The following EHD4 variants were observed in gnomAD, a reference collection of about 807,000 sequenced individuals.
EHD4 encodes EH domain-containing protein 4.
Under a neutral mutation model 51.0 loss-of-function variants are expected in EHD4, and 37 were observed. That is an observed-to-expected ratio of 0.73 (90% CI 0.56 to 0.95). The LOEUF (loss-of-function observed/expected upper bound fraction) is 0.95, where lower values mean the gene tolerates loss of function less well. Among genes scored for constraint, EHD4 ranks in the 40% least tolerant of loss-of-function variants. EHD4 has a pLI of 0.00. For synonymous variants in EHD4, 297 were observed against 317.3 expected (o/e 0.94, Z 0.68); for missense variants, 632 against 733.1 (o/e 0.86, Z 1.59).
chr15:41,967,697 T>G (rs1170051966), intron 1 of EHD4, among the ~76,000 whole-genome samples: 1 of 152,238 alleles, frequency 6.6e-6, no homozygotes, highest in Non-Finnish European at 1.5e-5. Context: ...TCCCTTTTCC[T>G]TAATTACTGA....
intron 2 of EHD4, among the ~76,000 whole-genome samples, chr15:41,949,021 T>G (rs1453414159): frequency 3.0e-5 from 1 of 33,194 alleles, no homozygotes; most frequent in Non-Finnish European, 7.0e-5. Flanking sequence ...TGAGACTATA[T>G]ATATATATAT....
chr15:41,965,785 C>A (rs1331205271), intron 1 of EHD4, among the ~76,000 whole-genome samples: 1 of 152,158 alleles, frequency 6.6e-6, no homozygotes, highest in East Asian at 1.9e-4. Flanking sequence ...AAGATAATGT[C>A]AGGATGGAAA....
chr15:41,900,551 G>C lies in EHD4; in HGVS notation c.*94C>G, dbSNP rs574286230. On this transcript the variant is annotated 3_prime_UTR_variant, in exon 6 of 6. Coordinates refer to ENST00000220325, the MANE Select transcript of EHD4 (RefSeq NM_139265.4). This position sits in a 1 kb window ranked among gnomAD's most constrained non-coding sequence, Gnocchi z 4.8. ...ATGGGGAAACCAAGGCACAGAGAGGGCAGTGCCTTGCCCAAGGTCATTCGG... is the reference window on the plus strand; with the variant it reads ...ATGGGGAAACCAAGGCACAGAGAGGCCAGTGCCTTGCCCAAGGTCATTCGG... The C allele has an allele frequency of 2.0e-4, 261 of 1,283,024 alleles. No individual in the cohort carries two copies. The highest frequency in any genetic ancestry group is 2.3e-4 in the Non-Finnish European group (221 of 949,974). The allele number at this position is 1,283,024 out of a possible 1,614,324, so 79.5% of individuals were successfully genotyped here.
intron 3 of EHD4, among the ~76,000 whole-genome samples, chr15:41,923,122 A>T (rs77189784): frequency 6.6e-6 from 1 of 151,988 alleles, no homozygotes; most frequent in African/African-American, 2.4e-5. Flanking sequence ...CCACCATCCA[A>T]CTGAAACTCT....
At chr15:41,910,260 G>C (rs759514317) in intron 4 of EHD4, among the ~76,000 whole-genome samples, 1 of 152,166 alleles carries the variant, frequency 6.6e-6, no homozygotes, top group African/African-American at 2.4e-5. Flanking sequence ...TGATCAACAT[G>C]GAAATCTGTA....
intron 4 of EHD4, among the ~76,000 whole-genome samples, chr15:41,915,005 A>G (rs1254172592): frequency 6.6e-6 from 1 of 151,838 alleles, no homozygotes; most frequent in Non-Finnish European, 1.5e-5. Context: ...TTTTGTATCC[A>G]GCACTTGCTG....
intron 3 of EHD4, among the ~76,000 whole-genome samples, chr15:41,939,063 C>T (rs1220561435): frequency 6.6e-6 from 1 of 152,140 alleles, no homozygotes; most frequent in Non-Finnish European, 1.5e-5. Flanking sequence ...GATAAAGGTG[C>T]TCTTTCTTCT....
intron 1 of EHD4, among the ~76,000 whole-genome samples, chr15:41,961,562 A>G (rs2067924688): frequency 6.6e-6 from 1 of 152,234 alleles, no homozygotes. Context: ...ACACTTACGA[A>G]TGATCTCCCA....
rs2067607565 is a variant in EHD4, at chr15:41,919,329, C to T, written c.805G>A (p.Asp269Asn). 6.2e-7 allele frequency: 1 copy of T among 1,614,110 alleles called. No individual in the cohort carries two copies. Among genetic ancestry groups the T allele is most frequent in the African/African-American group, 1.3e-5 (1 of 74,954 alleles). Residue 269 changes from aspartate (D) to asparagine (N), a missense_variant, in exon 4 of 6, where the codon GAC (aspartate) becomes AAC (asparagine). Transcript: ENST00000220325. ...SFWAQPLQNT[D>N]NRRLFEAEAQ... Reference sequence around the variant, plus strand: ...TCAGCCTCGAAGAGCCGGCGGTTGTCCGTGTTCTGCAGGGGCTGCGCCCAG... The same window carrying T: ...TCAGCCTCGAAGAGCCGGCGGTTGTTCGTGTTCTGCAGGGGCTGCGCCCAG...
At position 41,943,121 on chromosome 15, in the gene EHD4, T is replaced by C; in HGVS notation, c.457A>G (p.Ser153Gly). ...AGGATGCCGGGGCTGTCGATGACGC[T>C]GATGCTCTTCAGGACCTGATTGGGG... The part of the protein sequence containing the change: ...QLPNQVLKSI[S>G]VIDSPGILSG... Residue 153 changes from serine to glycine, a missense_variant, in exon 3 of 6, where the codon AGC becomes GGC. Ser to Gly is a moderately conservative substitution (Grantham distance 56). Transcript: ENST00000220325. The C allele has an allele frequency of 2.5e-6, 4 of 1,594,442 alleles. No individual in the cohort carries two copies. The highest frequency in any genetic ancestry group is 2.3e-5 in the South Asian group (2 of 87,380).
In EHD4 at chr15:41,899,199, A is replaced by G. The variant is rs2067459521; in HGVS notation, c.*1446T>C. 1 of 152,156 alleles carries G rather than the reference A, an allele frequency of 6.6e-6. No homozygotes were observed. The highest frequency in any genetic ancestry group is 2.4e-5 in the African/African-American group (1 of 41,418). The allele number at this position is 152,156 out of a possible 1,614,324, so 9.4% of individuals were successfully genotyped here. ...CTCTTCCTGCATAAATAATGCAGAG[A>G]GGCCATGCAGGTATGCAATTTTCTG... On this transcript the variant is annotated 3_prime_UTR_variant, in exon 6 of 6. Transcript: ENST00000220325.
chr15:41,950,308 T>C (rs190927747), intron 2 of EHD4, among the ~76,000 whole-genome samples: 1 of 152,206 alleles, frequency 6.6e-6, no homozygotes, highest in Non-Finnish European at 1.5e-5. Flanking sequence ...CTTTTAAAGA[T>C]GCCCCTGGGG....
At chr15:41,903,341 A>AAAAAC (rs398027013) in intron 5 of EHD4, among the ~76,000 whole-genome samples, 4 of 139,102 alleles carry the variant, frequency 2.9e-5, no homozygotes, top group African/African-American at 1.0e-4. Flanking sequence ...AAAAAAAAAA[A>AAAAAC]CAGAAAAAAC....
rs1465221879 is a variant in EHD4 at position 41,972,550 on chromosome 15, C to G, written c.-56G>C. The stretch of plus-strand genomic sequence containing the variant: ...CTGCTCCGGGTTCGACTCTCCCCGG[C>G]TCGCACTGAGCCGCCCCGGCCGCGC... On this transcript the variant is annotated 5_prime_UTR_variant, in exon 1 of 6. Transcript: ENST00000220325. The G allele has an allele frequency of 9.9e-6, 14 of 1,415,340 alleles. No homozygotes were observed. The African/African-American group carries it at 1.5e-4, about 15-fold the overall frequency. The allele number at this position is 1,415,340 out of a possible 1,614,324, so 87.7% of individuals were successfully genotyped here. A position where few individuals can be genotyped will look rare whatever the true frequency, so the allele number is the denominator to read the frequency against.
At chr15:41,944,897 C>G (rs1464508767) in intron 2 of EHD4, among the ~76,000 whole-genome samples, 2 of 152,234 alleles carry the variant, frequency 1.3e-5, no homozygotes, top group Non-Finnish European at 2.9e-5. Flanking sequence ...CAGTCCCCTC[C>G]TGTACCCCAA....
chr15:41,933,650 G>A (rs1225541979), intron 3 of EHD4, among the ~76,000 whole-genome samples: 2 of 152,114 alleles, frequency 1.3e-5, no homozygotes, highest in African/African-American at 4.8e-5. Context: ...TTCCCCACTG[G>A]TGCACAGTGA....
rs147580464 is a variant in EHD4, at chr15:41,945,243, A to G, written c.414-2079T>C. ...TCCCCAAACCACAAGCTCACACTCAATATCCATTTTTCCAAAACAGCCACC... is the reference window on the plus strand; with the variant it reads ...TCCCCAAACCACAAGCTCACACTCAGTATCCATTTTTCCAAAACAGCCACC... On this transcript the variant is annotated intron_variant, in intron 2 of 5. Transcript: ENST00000220325. 2.1e-3 allele frequency among the ~76,000 whole-genome samples: 325 copies of G among 152,284 alleles called. 2 individuals are homozygous for G. The highest frequency in any genetic ancestry group is 6.8e-3 in the Middle Eastern group (2 of 294).
intron 1 of EHD4, among the ~76,000 whole-genome samples, chr15:41,959,395 C>CAAAAA (rs36120701): frequency 6.0e-5 from 4 of 66,410 alleles, no homozygotes; most frequent in African/African-American, 7.0e-5. Context: ...GACTTTGTCT[C>CAAAAA]AAAAAAAAAA....
chr15:41,920,965 G>A (rs2067621277), intron 3 of EHD4, among the ~76,000 whole-genome samples: 1 of 152,218 alleles, frequency 6.6e-6, no homozygotes, highest in African/African-American at 2.4e-5. Flanking sequence ...ATCCAAGGCA[G>A]AGGAAAAAGT....
Sources: gnomAD v4.1 joint callset for allele counts (sites outside exome capture counted in the v4.1 genomes callset) on GRCh38, gnomAD v4.1.1 for gene constraint, Gnocchi (gnomAD v3.1) non-coding constraint, MANE v1.5 for transcripts, NCBI Gene and HGNC (gene_info 2026-07-23, HGNC 2026-07-21) for gene names.